MTRF1L: variants seen among roughly 807,000 people sequenced by gnomAD.
The protein encoded by MTRF1L is mitochondrial translation release factor 1 like.
A neutral mutation model predicts 40.0 loss-of-function variants in MTRF1L; 29 were observed. The observed-to-expected ratio is 0.73, with a 90% CI of 0.54 to 0.99. The LOEUF is 0.99. Ranked by LOEUF, MTRF1L falls within the 50% of genes least tolerant of loss-of-function variation. The pLI, the probability that MTRF1L is intolerant of heterozygous loss-of-function variation, is 0.00. For missense variants in MTRF1L, 412 were observed against 464.5 expected (o/e 0.89, Z 1.04); for synonymous variants, 150 against 175.8 (o/e 0.85, Z 1.16).
Position 152,991,333 on chromosome 6 carries a change from T to C in MTRF1L, c.806-12A>G, listed in dbSNP as rs1466722741. On this transcript the variant is annotated splice_polypyrimidine_tract_variant and intron_variant, in intron 5 of 6. Transcript: ENST00000367233. ...TTCAGAAACAACACCTGAATAGTGT[T>C]ACGAGAATTAAAAAGTTTTAATAAA... is the stretch of plus-strand genomic sequence containing the variant. 2.6e-6 allele frequency: 4 copies of C among 1,561,234 alleles called. No individual in the cohort carries two copies. Among genetic ancestry groups the C allele is most frequent in the African/African-American group, 1.4e-5 (1 of 72,018 alleles).
intron 4 of MTRF1L, among the ~76,000 whole-genome samples, chr6:152,994,210 G>C (rs1191016815): frequency 6.6e-6 from 1 of 152,102 alleles, no homozygotes. Context: ...ACACAAGGCA[G>C]AAGTCATTAT....
chr6:152,996,212 A>G (rs1015556751), intron 2 of MTRF1L, among the ~76,000 whole-genome samples: 1 of 152,190 alleles, frequency 6.6e-6, no homozygotes, highest in African/African-American at 2.4e-5. Flanking sequence ...GTTAAGTGGA[A>G]GAGCTAGAAT....
Position 152,994,654 on chromosome 6 carries a change from G to A in MTRF1L, c.546C>T (p.Ala182=). The change falls in exon 4 of 7, where the codon GCC becomes GCT. Residue 182 remains alanine, a synonymous_variant. Transcript: ENST00000367233. The part of the protein sequence containing the change: ...SELGGLRHAS[A]SIGGSEAYRH... Reference sequence around the variant, plus strand: ...TATAGGCTTCTGAACCCCCAATGCTGGCAGATGCATGTCTAAGGCCACCTT... The same window carrying A: ...TATAGGCTTCTGAACCCCCAATGCTAGCAGATGCATGTCTAAGGCCACCTT... 6.2e-7 allele frequency: 1 copy of A among 1,613,978 alleles called. No individual in the cohort carries two copies. The highest frequency in any genetic ancestry group is 1.1e-5 in the South Asian group (1 of 91,082).
intron 2 of MTRF1L, among the ~76,000 whole-genome samples, chr6:152,997,070 G>A (rs1485605760): frequency 6.6e-6 from 1 of 152,146 alleles, no homozygotes; most frequent in East Asian, 1.9e-4. Flanking sequence ...AAGCTTGGGT[G>A]GAAGAATGGT....
At chr6:152,999,167 C>G (rs993753356) in intron 1 of MTRF1L, among the ~76,000 whole-genome samples, 2 of 152,182 alleles carry the variant, frequency 1.3e-5, no homozygotes, top group African/African-American at 2.4e-5. Flanking sequence ...ACGAAGTACT[C>G]CTCTGTCTCT....
At chr6:152,998,386 A>G in intron 2 of MTRF1L, 164 bp downstream of exon 2, 1 of 466,320 alleles carries the variant, frequency 2.1e-6, no homozygotes. Flanking sequence ...AAATATATGC[A>G]ATTTTGGGGG....
At chr6:152,995,879 G>T (rs1450264865) in intron 2 of MTRF1L, among the ~76,000 whole-genome samples, 2 of 152,166 alleles carry the variant, frequency 1.3e-5, no homozygotes, top group East Asian at 3.8e-4. Context: ...TAAATGACTT[G>T]TTTAAGGGCA....
At position 152,989,976 on chromosome 6, in the gene MTRF1L, A is replaced by G; in HGVS notation, c.1062T>C (p.Tyr354=). ...ATGACTGTACAAGTTCATCCAGTAG[A>G]TAATCTCCTTGCATAAAAGTTTCAA... The part of the protein sequence containing the change: ...HDLETFMQGD[Y]LLDELVQSLK... Residue 354 remains tyrosine (Y), a synonymous_variant, in exon 7 of 7, where the codon TAT becomes TAC. Transcript: ENST00000367233. 1 of 1,613,770 alleles carries G rather than the reference A, an allele frequency of 6.2e-7. No homozygotes were observed. The highest frequency in any genetic ancestry group is 8.5e-7 in the Non-Finnish European group (1 of 1,179,824).
rs566694773 is a variant in MTRF1L, at chr6:152,998,156, T to TAA, written c.339+392_339+393dup. 857 of 121,564 alleles carry TAA rather than the reference T, an allele frequency of 7.0e-3. 9 individuals carry two copies. The highest frequency in any genetic ancestry group is 0.022 in the African/African-American group (699 of 31,976). The allele number at this position is 121,564 out of a possible 1,614,324, so 7.5% of individuals were successfully genotyped here. A position where few individuals can be genotyped will look rare whatever the true frequency, so the allele number is the denominator to read the frequency against. On this transcript the variant is annotated intron_variant, in intron 2 of 6. Transcript: ENST00000367233. ...GCCCCATGTCTACCTCCAGTCTTCT[T>TAA]AAAAAAAAAAAAAAAAAAAAAGGGA...
At chr6:153,001,877 G>A (rs181298376) in intron 1 of MTRF1L, among the ~76,000 whole-genome samples, 1 of 152,184 alleles carries the variant, frequency 6.6e-6, no homozygotes, top group Non-Finnish European at 1.5e-5. Flanking sequence ...AAAAACATTT[G>A]CTAACTTTCC....
intron 2 of MTRF1L, among the ~76,000 whole-genome samples, chr6:152,997,589 A>AG (rs926923832): frequency 4.6e-5 from 7 of 152,186 alleles, no homozygotes; most frequent in African/African-American, 1.7e-4. Flanking sequence ...CAGACTGGCT[A>AG]GGGGCAAAAG....
chr6:152,991,433 AAC>A, intron 5 of MTRF1L, 112 bp from the exon 6 acceptor site: 1 of 1,213,830 alleles, frequency 8.2e-7, no homozygotes, highest in Non-Finnish European at 1.1e-6. Flanking sequence ...GAGGGGAAAA[AAC>A]AGAGGACTCT....
At chr6:153,000,275 A>C (rs971129987) in intron 1 of MTRF1L, among the ~76,000 whole-genome samples, 7 of 152,206 alleles carry the variant, frequency 4.6e-5, no homozygotes, top group African/African-American at 1.4e-4. Flanking sequence ...ATTTTATTTA[A>C]CCCAATATGC....
At chr6:152,995,015 G>T in intron 3 of MTRF1L, 121 bp downstream of exon 3, 1 of 932,062 alleles carries the variant, frequency 1.1e-6, no homozygotes, top group Non-Finnish European at 1.6e-6. Flanking sequence ...AAATTTATTA[G>T]GTAAATGATG....
Position 152,993,606 on chromosome 6 carries a change from C to G in MTRF1L, c.688-632G>C, listed in dbSNP as rs545567796. Among the ~76,000 whole-genome samples the G allele has an allele frequency of 7.2e-5, 11 of 152,262 alleles. No homozygotes were observed. The South Asian group carries it at 2.3e-3, about 32-fold the overall frequency. ...GTAAGAATCCTACCATTCTCTGGGC[C>G]TTCTACCTCTATGTCTCCCTGTGTT... On this transcript the variant is annotated intron_variant, in intron 4 of 6. Transcript: ENST00000367233.
chr6:152,994,426 C>G, intron 4 of MTRF1L, 87 bp downstream of exon 4: 1 of 1,338,274 alleles, frequency 7.5e-7, no homozygotes, highest in Non-Finnish European at 1.0e-6. Context: ...CAAATAGATA[C>G]TCAATTCAGT....
At chr6:152,999,248 C>T (rs963764793) in intron 1 of MTRF1L, among the ~76,000 whole-genome samples, 1 of 151,278 alleles carries the variant, frequency 6.6e-6, no homozygotes, top group Non-Finnish European at 1.5e-5. Flanking sequence ...CATACTTTCT[C>T]ATTCCTCTAC....
chr6:152,998,456 A>C, intron 2 of MTRF1L, 94 bp downstream of exon 2: 1 of 907,988 alleles, frequency 1.1e-6, no homozygotes, highest in Non-Finnish European at 1.6e-6. Context: ...TATTCTAAAC[A>C]GTAACAAGCT....
rs1474088100 is a variant in MTRF1L at position 153,002,408 on chromosome 6, C to T, written c.259+19G>A. ...TCAAGAATGTGCTCTGACGCCTCTCCCCCGGGCCCGACCCTTACCGTGCAG... is the reference window on the plus strand; with the variant it reads ...TCAAGAATGTGCTCTGACGCCTCTCTCCCGGGCCCGACCCTTACCGTGCAG... On this transcript the variant is annotated intron_variant, in intron 1 of 6. Transcript: ENST00000367233. The T allele has an allele frequency of 7.4e-6, 12 of 1,613,838 alleles. No homozygotes were observed. Among genetic ancestry groups the T allele is most frequent in the Non-Finnish European group, 9.3e-6 (11 of 1,179,870 alleles).
Sources: gnomAD v4.1 joint callset for allele counts (sites outside exome capture counted in the v4.1 genomes callset) on GRCh38, gnomAD v4.1.1 for gene constraint, MANE v1.5 for transcripts, NCBI Gene and HGNC (gene_info 2026-07-23, HGNC 2026-07-21) for gene names.